Variants in ELMO1 observed in about 807,000 individuals in gnomAD.
ELMO1 encodes engulfment and cell motility protein 1.
ELMO1 carries 26 observed loss-of-function variants against 98.9 expected under a neutral mutation model. The ratio of observed to expected loss-of-function variants is 0.26; its 90% CI spans 0.19 to 0.36. The LOEUF (loss-of-function observed/expected upper bound fraction) is 0.36, where lower values mean the gene tolerates loss of function less well. Among genes scored for constraint, ELMO1 ranks in the 10% least tolerant of loss-of-function variants. ELMO1 has a pLI of 1.00. For missense variants in ELMO1, 627 were observed against 935.2 expected, an observed-to-expected ratio of 0.67 and a Z score of 4.30; for synonymous variants, 346 against 346.0, an observed-to-expected ratio of 1.00 and a Z score of 0.00.
rs1210081614 is a variant in ELMO1 at position 36,870,485 on chromosome 7, A to G, written c.1823-10T>C. ...ATATCTGCCACCGGCACTGCAATTC[A>G]TAAAAGAAAATGCAAGTAACTACAC... On this transcript the variant is annotated splice_polypyrimidine_tract_variant and intron_variant, in intron 19 of 21. Transcript: ENST00000310758. The surrounding 1 kb of genome is among the most constrained non-coding windows in gnomAD (Gnocchi z 4.4). 1.2e-6 allele frequency: 2 copies of G among 1,612,502 alleles called. No individual in the cohort carries two copies. The highest frequency in any genetic ancestry group is 1.3e-5 in the African/African-American group (1 of 74,882).
intron 14 of ELMO1, among the ~76,000 whole-genome samples, chr7:37,126,303 ATAT>A (rs1786516907): frequency 1.3e-5 from 1 of 77,468 alleles, no homozygotes; most frequent in African/African-American, 1.3e-4. Flanking sequence ...TAATTTAAAT[ATAT>A]ATATATATAT....
chr7:37,353,003 G>A (rs1801339877), intron 1 of ELMO1: 1 of 152,124 alleles, frequency 6.6e-6, no homozygotes, highest in Non-Finnish European at 1.5e-5. Flanking sequence ...CAATGGCTCT[G>A]TAAGTCTGAC....
At chr7:36,915,030 T>C (rs1046045698) in intron 16 of ELMO1, among the ~76,000 whole-genome samples, 4 of 152,230 alleles carry the variant, frequency 2.6e-5, no homozygotes, top group African/African-American at 9.6e-5. Context: ...CATAGCTGAC[T>C]GCAGCCTTGA....
intron 21 of ELMO1, among the ~76,000 whole-genome samples, chr7:36,857,100 G>T (rs1025833611): frequency 6.6e-6 from 1 of 152,192 alleles, no homozygotes; most frequent in Non-Finnish European, 1.5e-5. Context: ...TGCACAATGG[G>T]TGTATTATGA....
At chr7:36,875,493 G>C (rs1229833722) in intron 19 of ELMO1, among the ~76,000 whole-genome samples, 2 of 152,196 alleles carry the variant, frequency 1.3e-5, no homozygotes, top group African/African-American at 4.8e-5. Flanking sequence ...TGGATATACT[G>C]TTTTTGGAGC....
At chr7:37,049,656 G>A (rs1795991245) in intron 15 of ELMO1, among the ~76,000 whole-genome samples, 1 of 151,962 alleles carries the variant, frequency 6.6e-6, no homozygotes, top group Admixed American at 6.6e-5. Context: ...GGAGGAGAGG[G>A]GTCCATCACA....
intron 14 of ELMO1, among the ~76,000 whole-genome samples, chr7:37,098,173 T>C (rs887718987): frequency 6.6e-5 from 10 of 152,220 alleles, no homozygotes; most frequent in African/African-American, 2.4e-4. Context: ...AGTGACTCAC[T>C]GTTTTGTCAC....
At position 37,357,821 on chromosome 7, in the gene ELMO1, C is replaced by G. The variant is rs914095199; in HGVS notation, c.-73-15058G>C. Reference sequence around the variant, plus strand: ...CTATCAGCATGGCCATACGGCCATACTGTGAGAGCTTTTCACACAAACATC... The same window carrying G: ...CTATCAGCATGGCCATACGGCCATAGTGTGAGAGCTTTTCACACAAACATC... On this transcript the variant is annotated intron_variant, in intron 1 of 21. Coordinates refer to ENST00000310758, the MANE Select transcript of ELMO1 (RefSeq NM_014800.11). Among the ~76,000 whole-genome samples, 3 of 152,216 alleles carry G rather than the reference C, an allele frequency of 2.0e-5. No individual in the cohort carries two copies. In the East Asian group the frequency reaches 5.8e-4, roughly 29 times the overall value.
Position 36,980,074 on chromosome 7 carries a change from T to C in ELMO1, c.1437+33225A>G, listed in dbSNP as rs562118961. ...TTACAGCTCAAAGGAAAAGAGAAGT[T>C]AGCTCCCAAAGCGCAAGGCTGCAGC... On this transcript the variant is annotated intron_variant, in intron 16 of 21. Coordinates refer to ENST00000310758, the MANE Select transcript of ELMO1 (RefSeq NM_014800.11). Among the ~76,000 whole-genome samples, 6 of 152,294 alleles carry C rather than the reference T, an allele frequency of 3.9e-5. No individual in the cohort carries two copies. In the East Asian group the frequency reaches 1.2e-3, roughly 29 times the overall value.
intron 16 of ELMO1, among the ~76,000 whole-genome samples, chr7:36,920,563 T>C (rs1785064215): frequency 6.6e-6 from 1 of 152,232 alleles, no homozygotes; most frequent in East Asian, 1.9e-4. Flanking sequence ...ATGAAATTCA[T>C]GCATATATAT....
At chr7:37,092,121 ATTC>A (rs1204127921) in intron 15 of ELMO1, among the ~76,000 whole-genome samples, 1 of 152,162 alleles carries the variant, frequency 6.6e-6, no homozygotes, top group Non-Finnish European at 1.5e-5. Flanking sequence ...GTCCCTAAGT[ATTC>A]TTCTTTGTAA....
At chr7:37,379,755 C>G (rs1277399585) in intron 1 of ELMO1, among the ~76,000 whole-genome samples, 15 of 152,182 alleles carry the variant, frequency 9.9e-5, no homozygotes, top group Admixed American at 9.8e-4. Context: ...TAGGAGATAT[C>G]AGACTTCTCC....
chr7:36,980,304 C>T (rs1416463403), intron 16 of ELMO1, among the ~76,000 whole-genome samples: 1 of 152,194 alleles, frequency 6.6e-6, no homozygotes, highest in Non-Finnish European at 1.5e-5. Flanking sequence ...ATTCTGATAT[C>T]TCACTAGCGG....
At chr7:37,169,075 CT>C (rs1238688166) in intron 13 of ELMO1, among the ~76,000 whole-genome samples, 3 of 152,228 alleles carry the variant, frequency 2.0e-5, no homozygotes, top group African/African-American at 7.2e-5. Context: ...TCGCTGCCGA[CT>C]TGCAGTTTGA....
intron 1 of ELMO1, among the ~76,000 whole-genome samples, chr7:37,408,567 T>C (rs778240989): frequency 3.3e-5 from 5 of 152,188 alleles, no homozygotes; most frequent in Non-Finnish European, 7.3e-5. Context: ...TGCAATGGAA[T>C]ATTATTCAGC....
rs1057233537 is a variant in ELMO1, at chr7:37,285,506, A to G, written c.193-13624T>C. On this transcript the variant is annotated intron_variant, in intron 4 of 21. Coordinates refer to ENST00000310758, the MANE Select transcript of ELMO1 (RefSeq NM_014800.11). Reference sequence around the variant, plus strand: ...TGTAGCCATCGAAGTGCTGCTATGAAAGAATGTTCAGTAATATGGGACCCT... The same window carrying G: ...TGTAGCCATCGAAGTGCTGCTATGAGAGAATGTTCAGTAATATGGGACCCT... Among the ~76,000 whole-genome samples the G allele has an allele frequency of 2.8e-4, 42 of 152,214 alleles. 1 individual carries two copies. Among genetic ancestry groups the G allele is most frequent in the Non-Finnish European group, 7.3e-5 (5 of 68,038 alleles).
intron 17 of ELMO1, 132 bp downstream of exon 17, chr7:36,894,722 G>T: frequency 8.9e-7 from 1 of 1,128,158 alleles, no homozygotes; most frequent in Non-Finnish European, 1.3e-6. Context: ...ACTAAATGGA[G>T]ATACTTGGAA....
At chr7:36,860,785 C>T (rs924052544) in intron 21 of ELMO1, among the ~76,000 whole-genome samples, 1 of 152,188 alleles carries the variant, frequency 6.6e-6, no homozygotes, top group Non-Finnish European at 1.5e-5. Context: ...TATATTTAAG[C>T]ACCGTTCTAA....
intron 5 of ELMO1, among the ~76,000 whole-genome samples, chr7:37,260,531 C>G (rs1795925407): frequency 6.6e-6 from 1 of 152,114 alleles, no homozygotes; most frequent in African/African-American, 2.4e-5. Context: ...AAGACTCCAC[C>G]CCAGCAGGTC....
Sources: allele counts gnomAD v4.1 joint callset (sites outside exome capture counted in the v4.1 genomes callset), GRCh38; gene constraint gnomAD v4.1.1; non-coding constraint Gnocchi (gnomAD v3.1); transcripts MANE v1.5; gene names NCBI Gene and HGNC (gene_info 2026-07-23, HGNC 2026-07-21).